RTN1: variants seen among roughly 807,000 people sequenced by gnomAD.
The protein encoded by RTN1 is reticulon-1.
In RTN1, 25 loss-of-function variants were observed where a neutral mutation model predicts 65.5. The ratio of observed to expected loss-of-function variants is 0.38; its 90% CI spans 0.28 to 0.53. The LOEUF is 0.53. RTN1 is among the 20% of genes least tolerant of loss of function. The probability of loss-of-function intolerance (pLI) is 0.79; values close to 1 mark genes in which losing one functional copy is unlikely to be tolerated. For missense variants in RTN1, 983 were observed against 1,025.4 expected, an observed-to-expected ratio of 0.96 and a Z score of 0.57; for synonymous variants, 471 against 447.6, an observed-to-expected ratio of 1.05 and a Z score of -0.66.
intron 3 of RTN1, chr14:59,630,619 A>C: frequency 2.0e-6 from 3 of 1,536,248 alleles, no homozygotes; most frequent in Non-Finnish European, 2.6e-6. Flanking sequence ...GGCTGCGGAG[A>C]GACTGAGGCT....
chr14:59,792,026 C>T (rs901938470), intron 1 of RTN1, among the ~76,000 whole-genome samples: 1 of 152,092 alleles, frequency 6.6e-6, no homozygotes, highest in African/African-American at 2.4e-5. Context: ...CTCAGTAGAG[C>T]AGAATGTAAG....
intron 3 of RTN1, among the ~76,000 whole-genome samples, chr14:59,674,592 GA>G (rs1477093439): frequency 3.3e-5 from 5 of 152,240 alleles, no homozygotes; most frequent in African/African-American, 1.2e-4. Context: ...ACTACCAAAG[GA>G]ACTATTTAAC....
At chr14:59,689,882 C>A (rs1454567126) in intron 3 of RTN1, among the ~76,000 whole-genome samples, 1 of 152,128 alleles carries the variant, frequency 6.6e-6, no homozygotes, top group Non-Finnish European at 1.5e-5. Context: ...GCCCACAGAC[C>A]CTATAAAGCA....
chr14:59,630,648 T>G, intron 3 of RTN1: 1 of 1,312,086 alleles, frequency 7.6e-7, no homozygotes, highest in Non-Finnish European at 9.7e-7. Flanking sequence ...CGGCGCGCGG[T>G]GAGGGGCGGG....
At chr14:59,828,107 T>C (rs1009763085) in intron 1 of RTN1, among the ~76,000 whole-genome samples, 11 of 152,216 alleles carry the variant, frequency 7.2e-5, no homozygotes, top group African/African-American at 2.7e-4. Context: ...AGCGCCAATC[T>C]TACATCTTGA....
chr14:59,783,530 C>T (rs2139577910), intron 1 of RTN1, among the ~76,000 whole-genome samples: 1 of 152,268 alleles, frequency 6.6e-6, no homozygotes, highest in Middle Eastern at 3.4e-3. Flanking sequence ...TTGATTCCTC[C>T]ACCACAGGCC....
At chr14:59,659,806 T>A (rs1223780622) in intron 3 of RTN1, among the ~76,000 whole-genome samples, 2 of 152,116 alleles carry the variant, frequency 1.3e-5, no homozygotes, top group Non-Finnish European at 2.9e-5. Flanking sequence ...GTAAAGACCA[T>A]CGACACTATG....
chr14:59,674,609 G>T (rs1883582970), intron 3 of RTN1, among the ~76,000 whole-genome samples: 1 of 152,118 alleles, frequency 6.6e-6, no homozygotes. Flanking sequence ...TTAACAAACG[G>T]CATTCAAAGA....
At chr14:59,833,970 C>T in intron 1 of RTN1, among the ~76,000 whole-genome samples, 1 of 152,126 alleles carries the variant, frequency 6.6e-6, no homozygotes, top group East Asian at 1.9e-4. Context: ...AATTTCAAAA[C>T]TTATAAAGCT....
chr14:59,776,236 A>C (rs1033864821), intron 1 of RTN1, among the ~76,000 whole-genome samples: 1 of 152,084 alleles, frequency 6.6e-6, no homozygotes, highest in Non-Finnish European at 1.5e-5. Context: ...CCAATGCATC[A>C]ATGTTGGGAG....
At chr14:59,648,455 T>A (rs781245674) in intron 3 of RTN1, among the ~76,000 whole-genome samples, 25 of 152,138 alleles carry the variant, frequency 1.6e-4, no homozygotes, top group Non-Finnish European at 2.9e-4. Flanking sequence ...GCCAGCATCA[T>A]CCTGAAACCA....
At chr14:59,781,358 T>C (rs911453905) in intron 1 of RTN1, among the ~76,000 whole-genome samples, 1 of 152,068 alleles carries the variant, frequency 6.6e-6, no homozygotes, top group Admixed American at 6.5e-5. Flanking sequence ...TGACTGTTTA[T>C]GTTCCACTTA....
At chr14:59,845,530 C>A (rs888382729) in intron 1 of RTN1, among the ~76,000 whole-genome samples, 6 of 152,152 alleles carry the variant, frequency 3.9e-5, no homozygotes, top group Non-Finnish European at 8.8e-5. Context: ...CATGCCTCAC[C>A]GTATTCTACT....
At chr14:59,605,527 C>A (rs1210753134) in intron 4 of RTN1, 21 bp from the exon 5 acceptor site, 1 of 1,612,376 alleles carries the variant, frequency 6.2e-7, no homozygotes, top group East Asian at 2.2e-5. Context: ...ACCATTCCCA[C>A]AGAAAATTCC....
At chr14:59,767,556 A>G (rs10145018) in intron 1 of RTN1, among the ~76,000 whole-genome samples, 56,414 of 152,024 alleles carry the variant, frequency 0.37, 10,629 homozygotes, top group Middle Eastern at 0.45. Context: ...TAACCAATAC[A>G]GCATGCAAAT....
chr14:59,808,107 A>C (rs1483695996), intron 1 of RTN1, among the ~76,000 whole-genome samples: 3 of 152,188 alleles, frequency 2.0e-5, no homozygotes, highest in African/African-American at 7.2e-5. Context: ...CCTTCCAATC[A>C]TGGATCTTTG....
At chr14:59,706,158 T>C (rs1566692082) in intron 3 of RTN1, among the ~76,000 whole-genome samples, 1 of 152,218 alleles carries the variant, frequency 6.6e-6, no homozygotes, top group Non-Finnish European at 1.5e-5. Context: ...TCAACTATTC[T>C]TCTTTACCTG....
At chr14:59,798,080 G>A (rs1016054203) in intron 1 of RTN1, among the ~76,000 whole-genome samples, 3 of 152,064 alleles carry the variant, frequency 2.0e-5, no homozygotes, top group Non-Finnish European at 4.4e-5. Flanking sequence ...CTGGGCAAAT[G>A]GATATAACAC....
chr14:59,676,096 C>G (rs988677455), intron 3 of RTN1, among the ~76,000 whole-genome samples: 1 of 152,134 alleles, frequency 6.6e-6, no homozygotes, highest in African/African-American at 2.4e-5. Flanking sequence ...ATCATTAATA[C>G]CTAGCATAGT....
Sources: gnomAD v4.1 joint callset for allele counts (sites outside exome capture counted in the v4.1 genomes callset) on GRCh38, gnomAD v4.1.1 for gene constraint, MANE v1.5 for transcripts, NCBI Gene and HGNC (gene_info 2026-07-23, HGNC 2026-07-21) for gene names.